The following NAPA variants were observed in gnomAD, a reference collection of about 807,000 sequenced individuals.
NAPA encodes the protein NSF attachment protein alpha.
A neutral mutation model predicts 48.0 loss-of-function variants in NAPA; 18 were observed. The ratio of observed to expected loss-of-function variants is 0.38; its 90% CI spans 0.26 to 0.56. The LOEUF (loss-of-function observed/expected upper bound fraction) is 0.56. Among genes scored for constraint, NAPA ranks in the 20% least tolerant of loss-of-function variants. The pLI is 0.77. For missense variants in NAPA, 315 were observed against 385.0 expected (o/e 0.82, Z 1.52); for synonymous variants, 152 against 149.9 (o/e 1.01, Z -0.10).
chr19:47,512,469 C>G (rs1968823740), intron 1 of NAPA, among the ~76,000 whole-genome samples: 1 of 152,136 alleles, frequency 6.6e-6, no homozygotes, highest in South Asian at 2.1e-4. Context: ...CCTGCCTTCC[C>G]AATCAGGTAG....
intron 3 of NAPA, among the ~76,000 whole-genome samples, chr19:47,500,431 T>G (rs925111004): frequency 6.6e-6 from 1 of 152,142 alleles, no homozygotes; most frequent in African/African-American, 2.4e-5. Context: ...GGGCGGAGAC[T>G]TGAGCAGGGC....
intron 1 of NAPA, among the ~76,000 whole-genome samples, chr19:47,509,335 A>G (rs1446199283): frequency 2.5e-5 from 2 of 81,476 alleles, no homozygotes; most frequent in Non-Finnish European, 6.9e-5. Flanking sequence ...AAAATAAAAT[A>G]AAATAAAATA....
chr19:47,493,629 AG>A lies in NAPA; in HGVS notation c.343-137del. On this transcript the variant is annotated intron_variant, in intron 4 of 10. Transcript: ENST00000263354. The surrounding 1 kb of genome is among the most constrained non-coding windows in gnomAD (Gnocchi z 6.4). ...ATGAAGAAGACCTGAGGTGTGAAGA[AG>A]ATCGAGAGGTGGGGGAACACAGGAG... is the stretch of plus-strand genomic sequence containing the variant. 1.4e-6 allele frequency: 1 copy of A among 740,342 alleles called. No individual in the cohort carries two copies. The highest frequency in any genetic ancestry group is 2.5e-5 in the East Asian group (1 of 39,560). The allele number at this position is 740,342 out of a possible 1,614,324, so 45.9% of individuals were successfully genotyped here. A position where few individuals can be genotyped will look rare whatever the true frequency, so the allele number is the denominator to read the frequency against.
At chr19:47,488,428 C>A in intron 10 of NAPA, 39 bp from the exon 11 acceptor site, 1 of 1,531,698 alleles carries the variant, frequency 6.5e-7, no homozygotes, top group Non-Finnish European at 9.0e-7. Context: ...CATGCTCCCC[C>A]CGTTCCCAAC....
Position 47,515,017 on chromosome 19 carries a change from C to T in NAPA, c.-77G>A. The T allele has an allele frequency of 6.9e-7, 1 of 1,450,746 alleles. No individual in the cohort carries two copies. Among genetic ancestry groups the T allele is most frequent in the Non-Finnish European group, 9.5e-7 (1 of 1,058,196 alleles). The allele number at this position is 1,450,746 out of a possible 1,614,324, so 89.9% of individuals were successfully genotyped here. ...TCAGCCGCGGCCGGGCCGCGGAACA[C>T]AGATCGGTAAAACTCGCCCGGCTGC... On this transcript the variant is annotated 5_prime_UTR_variant, in exon 1 of 11. The change creates a new upstream start codon in the 5' untranslated region. Transcript: ENST00000263354.
chr19:47,510,945 T>C (rs1968793687), intron 1 of NAPA, among the ~76,000 whole-genome samples: 1 of 152,222 alleles, frequency 6.6e-6, no homozygotes, highest in African/African-American at 2.4e-5. Flanking sequence ...CAGTGGCTGC[T>C]GGTGCATCAA....
At chr19:47,496,841 A>G (rs985514399) in intron 3 of NAPA, 1 of 456,100 alleles carries the variant, frequency 2.2e-6, no homozygotes, top group Non-Finnish European at 4.4e-6. Context: ...AGTGGGGTCC[A>G]TAAGCACTCC....
At chr19:47,485,734 G>A (rs1315389619), downstream of NAPA, among the ~76,000 whole-genome samples, 6 of 152,232 alleles carry the variant, frequency 3.9e-5, no homozygotes, top group African/African-American at 1.4e-4. Context: ...AACGGAGGTG[G>A]CAAGGAATTT....
chr19:47,490,137 G>GT (rs1692724978), intron 9 of NAPA, among the ~76,000 whole-genome samples: 1 of 148,682 alleles, frequency 6.7e-6, no homozygotes, highest in Admixed American at 6.7e-5. Flanking sequence ...GTTGAGTTGC[G>GT]TGTGTGGTGT....
rs1968189198 is a variant in NAPA, at chr19:47,489,781, A to AG, written c.736-21dup. On this transcript the variant is annotated intron_variant, in intron 9 of 10. Coordinates refer to ENST00000263354, the MANE Select transcript of NAPA (RefSeq NM_003827.4). Reference sequence around the variant, plus strand: ...CAATTTCTGCAAGCAAATGGCAGAGAGGGGTCAGGGGCCTATGCTGACCTG... The same window carrying AG: ...CAATTTCTGCAAGCAAATGGCAGAGAGGGGGTCAGGGGCCTATGCTGACCTG... The AG allele has an allele frequency of 6.2e-7, 1 of 1,613,646 alleles. No individual in the cohort carries two copies. Among genetic ancestry groups the AG allele is most frequent in the Non-Finnish European group, 8.5e-7 (1 of 1,179,886 alleles).
intron 1 of NAPA, among the ~76,000 whole-genome samples, chr19:47,512,514 A>G (rs2122785355): frequency 1.3e-5 from 2 of 152,202 alleles, no homozygotes; most frequent in East Asian, 3.9e-4. Flanking sequence ...TGCTCCCTCC[A>G]AGCACACAGT....
chr19:47,500,419 G>A (rs925636724), intron 3 of NAPA, among the ~76,000 whole-genome samples: 2 of 152,206 alleles, frequency 1.3e-5, no homozygotes, highest in South Asian at 4.1e-4. Context: ...CGGTAGATAG[G>A]GGGGCGGAGA....
At chr19:47,492,336 TG>T in intron 7 of NAPA, 1 of 539,010 alleles carries the variant, frequency 1.9e-6, no homozygotes, top group Non-Finnish European at 3.3e-6. Flanking sequence ...GGTGGCTGGG[TG>T]GGGGTGGAGG....
At position 47,493,081 on chromosome 19, in the gene NAPA, G is replaced by A. The variant is rs749576399; in HGVS notation, c.477-36C>T. 1.4e-5 allele frequency: 22 copies of A among 1,613,832 alleles called. No homozygotes were observed. Among genetic ancestry groups the A allele is most frequent in the East Asian group, 4.5e-5 (2 of 44,882 alleles). On this transcript the variant is annotated intron_variant, in intron 6 of 10. Transcript: ENST00000263354. This position sits in a 1 kb window ranked among gnomAD's most constrained non-coding sequence, Gnocchi z 6.4. Reference sequence around the variant, plus strand: ...AGGAGTAGTGAGGGGAAGTGGTGGCGGTCCCTGCGGGGCTGGGGCAGGCAG... The same window carrying A: ...AGGAGTAGTGAGGGGAAGTGGTGGCAGTCCCTGCGGGGCTGGGGCAGGCAG...
intron 2 of NAPA, among the ~76,000 whole-genome samples, chr19:47,502,566 C>T (rs1968603309): frequency 6.6e-6 from 1 of 152,200 alleles, no homozygotes; most frequent in Non-Finnish European, 1.5e-5. Flanking sequence ...ACCCTGCCTC[C>T]ATGGTCCCAC....
chr19:47,491,947 G>T, intron 8 of NAPA, 68 bp downstream of exon 8: 1 of 1,431,394 alleles, frequency 7.0e-7, no homozygotes, highest in South Asian at 1.2e-5. Flanking sequence ...CGGGGGCAAC[G>T]GGACCTGGCC....
intron 8 of NAPA, among the ~76,000 whole-genome samples, chr19:47,491,770 A>G (rs559344392): frequency 6.6e-6 from 1 of 152,258 alleles, no homozygotes; most frequent in Admixed American, 6.5e-5. Flanking sequence ...CAAAAAGTGC[A>G]CCCATGAAGG....
At chr19:47,490,604 G>A (rs1322971852) in intron 9 of NAPA, among the ~76,000 whole-genome samples, 184 bp downstream of exon 9, 3 of 151,662 alleles carry the variant, frequency 2.0e-5, no homozygotes, top group Non-Finnish European at 4.4e-5. Context: ...AGCACTCCCC[G>A]AGTTGTACTT....
chr19:47,494,269 C>G (rs1310866799), intron 4 of NAPA, among the ~76,000 whole-genome samples: 1 of 152,230 alleles, frequency 6.6e-6, no homozygotes, highest in Non-Finnish European at 1.5e-5. Flanking sequence ...GACAATAATG[C>G]CAACCTCACA....
Sources: gnomAD v4.1 joint callset for allele counts (sites outside exome capture counted in the v4.1 genomes callset) on GRCh38, gnomAD v4.1.1 for gene constraint, Gnocchi (gnomAD v3.1) non-coding constraint, MANE v1.5 for transcripts, NCBI Gene and HGNC (gene_info 2026-07-23, HGNC 2026-07-21) for gene names.